SEC31A: variants seen among roughly 807,000 people sequenced by gnomAD.
The protein encoded by SEC31A is protein transport protein Sec31A.
SEC31A carries 70 observed loss-of-function variants against 151.0 expected under a neutral mutation model. That is an observed-to-expected ratio of 0.46 (90% CI 0.38 to 0.57). SEC31A has a LOEUF of 0.57. SEC31A is among the 20% of genes least tolerant of loss of function. The pLI, the probability that SEC31A is intolerant of heterozygous loss-of-function variation, is 0.00. For missense variants in SEC31A, 1,330 were observed against 1,471.2 expected (o/e 0.90, Z 1.57); for synonymous variants, 475 against 505.9 (o/e 0.94, Z 0.82).
chr4:82,897,756 G>A (rs1304432891), intron 3 of SEC31A: 3 of 151,940 alleles, frequency 2.0e-5, no homozygotes, highest in African/African-American at 7.3e-5. Context: ...AAAATAAAAT[G>A]AAATGAAATT....
intron 4 of SEC31A, among the ~76,000 whole-genome samples, chr4:82,877,088 G>C (rs1738136532): frequency 6.6e-6 from 1 of 152,044 alleles, no homozygotes; most frequent in Non-Finnish European, 1.5e-5. Context: ...AATTAGCCAG[G>C]TGTTGTGGCT....
chr4:82,880,712 C>T (rs1460534548), intron 3 of SEC31A, 87 bp downstream of exon 3: 10 of 1,149,598 alleles, frequency 8.7e-6, no homozygotes, highest in Non-Finnish European at 1.2e-5. Flanking sequence ...CTTGTAGTTT[C>T]TAATAATGGC....
At chr4:82,834,720 T>G (rs915811395) in intron 22 of SEC31A, among the ~76,000 whole-genome samples, 1 of 152,130 alleles carries the variant, frequency 6.6e-6, no homozygotes, top group South Asian at 2.1e-4. Flanking sequence ...ACCCCAACAG[T>G]CCTTTTATTA....
At position 82,867,187 on chromosome 4, in the gene SEC31A, T is replaced by C; in HGVS notation, c.1012A>G (p.Thr338Ala). The C allele has an allele frequency of 6.2e-7, 1 of 1,614,070 alleles. No homozygotes were observed. The highest frequency in any genetic ancestry group is 8.5e-7 in the Non-Finnish European group (1 of 1,179,920). Residue 338 changes from threonine to alanine, a missense_variant, in exon 9 of 27, where the codon ACA becomes GCA. Transcript: ENST00000395310. ...ACTTGTTTCTGTCTTAAACCATCTG[T>C]GCTACCTCCCATGATAGAATAAACA... ...ISVYSIMGGS[T>A]DGLRQKQVDK...
Position 82,853,719 on chromosome 4 carries a change from T to C in SEC31A, c.2009-4A>G. 1 of 1,598,702 alleles carries C rather than the reference T, an allele frequency of 6.3e-7. No individual in the cohort carries two copies. The highest frequency in any genetic ancestry group is 2.3e-5 in the East Asian group (1 of 44,342). ...TCAAGCCTGGTTCCCAAAAGATCTGTAAGTAAGAGGAAAATAAAATAAGAT... is the reference window on the plus strand; with the variant it reads ...TCAAGCCTGGTTCCCAAAAGATCTGCAAGTAAGAGGAAAATAAAATAAGAT... On this transcript the variant is annotated splice_region_variant and splice_polypyrimidine_tract_variant and intron_variant, in intron 17 of 26. Coordinates refer to ENST00000395310, the MANE Select transcript of SEC31A (RefSeq NM_001077207.4).
At position 82,824,456 on chromosome 4, in the gene SEC31A, C is replaced by T. The variant is rs891202386; in HGVS notation, c.3411+99G>A. 4.8e-5 allele frequency: 61 copies of T among 1,283,784 alleles called. No individual in the cohort carries two copies. In the African/African-American group the frequency reaches 6.9e-4, roughly 15 times the overall value. 79.5% of individuals were successfully genotyped at this position (1,283,784 alleles called of 1,614,324 possible). A position where few individuals can be genotyped will look rare whatever the true frequency, so the allele number is the denominator to read the frequency against. Reference sequence around the variant, plus strand: ...CTGGCTTCAAATGATCCACCTACCTCGGCCTCCCAAAGTGCTGGGATTACA... The same window carrying T: ...CTGGCTTCAAATGATCCACCTACCTTGGCCTCCCAAAGTGCTGGGATTACA... On this transcript the variant is annotated intron_variant, in intron 25 of 26. Transcript: ENST00000395310.
At chr4:82,875,705 A>G (rs761160891) in intron 5 of SEC31A, 22 bp downstream of exon 5, 2 of 1,454,302 alleles carry the variant, frequency 1.4e-6, no homozygotes, top group South Asian at 1.2e-5. Flanking sequence ...GATTACAATG[A>G]TCAAAATCAA....
chr4:82,864,040 T>G (rs1396482253), intron 11 of SEC31A, among the ~76,000 whole-genome samples: 1 of 152,186 alleles, frequency 6.6e-6, no homozygotes, highest in Non-Finnish European at 1.5e-5. Flanking sequence ...ATGTTAAATA[T>G]TCTGTTTTCA....
chr4:82,825,745 C>T (rs929652660), intron 24 of SEC31A, among the ~76,000 whole-genome samples: 1 of 152,094 alleles, frequency 6.6e-6, no homozygotes. Context: ...AAGTAGATAT[C>T]GGCAGACCAA....
In SEC31A at chr4:82,871,252, C is replaced by A. The variant is rs1257185959; in HGVS notation, c.782+692G>T. The stretch of plus-strand genomic sequence containing the variant: ...ATTCATGATTAACGAAAAAAGTTAT[C>A]TAACTATATGCACAAATTATCCTAT... On this transcript the variant is annotated intron_variant, in intron 7 of 26. Coordinates refer to ENST00000395310, the MANE Select transcript of SEC31A (RefSeq NM_001077207.4). The A allele has an allele frequency of 3.1e-6, 4 of 1,305,882 alleles. No homozygotes were observed. The African/African-American group carries it at 6.1e-5, about 20-fold the overall frequency. 80.9% of individuals were successfully genotyped at this position (1,305,882 alleles called of 1,614,324 possible). A position where few individuals can be genotyped will look rare whatever the true frequency, so the allele number is the denominator to read the frequency against.
chr4:82,832,239 TC>T (rs779679453), intron 22 of SEC31A, among the ~76,000 whole-genome samples: 1 of 152,112 alleles, frequency 6.6e-6, no homozygotes, highest in Non-Finnish European at 1.5e-5. Context: ...AACGGAGGCC[TC>T]AGAAATACCA....
At position 82,842,441 on chromosome 4, in the gene SEC31A, C is replaced by A; in HGVS notation, c.2667G>T (p.Gly889=). Residue 889 remains glycine (G), a synonymous_variant, in exon 22 of 27, where the codon GGG becomes GGT. Transcript: ENST00000395310. ...GCTGCTGAGGTCGATACATTGCTGA[C>A]CCCCCTGTTCCGAAGGGATACGGCT... ...PAQPYPFGTG[G]SAMYRPQQPV... The A allele has an allele frequency of 6.2e-7, 1 of 1,613,298 alleles. No homozygotes were observed. Among genetic ancestry groups the A allele is most frequent in the Non-Finnish European group, 8.5e-7 (1 of 1,179,664 alleles).
At chr4:82,859,789 A>AT (rs1491361021) in intron 14 of SEC31A, among the ~76,000 whole-genome samples, 55 of 55,916 alleles carry the variant, frequency 9.8e-4, no homozygotes, top group Middle Eastern at 8.9e-3. Context: ...TTGCATAAAA[A>AT]TATTTTTTTT....
chr4:82,848,943 C>G lies in SEC31A; in HGVS notation c.2363G>C (p.Arg788Thr). Residue 788 changes from arginine (R) to threonine (T), a missense_variant, in exon 20 of 27, where the codon AGA (arginine) becomes ACA (threonine). Transcript: ENST00000395310. ...TCCTGCTACAGGCTCTCCTTGTGCTCTACAAAGTCTGTCACGAAGCTGCAT... is the reference window on the plus strand; with the variant it reads ...TCCTGCTACAGGCTCTCCTTGTGCTGTACAAAGTCTGTCACGAAGCTGCAT... The part of the protein sequence containing the change: ...NIMQLRDRLC[R>T]AQGEPVAGHE... The G allele has an allele frequency of 6.2e-7, 1 of 1,613,570 alleles. No individual in the cohort carries two copies. Among genetic ancestry groups the G allele is most frequent in the African/African-American group, 1.3e-5 (1 of 74,988 alleles).
chr4:82,868,919 T>C (rs77091401), intron 8 of SEC31A, among the ~76,000 whole-genome samples: 2,497 of 152,178 alleles, frequency 0.016, 32 homozygotes, highest in East Asian at 0.044. Flanking sequence ...CCCAAAGTGC[T>C]GAGATTACAG....
At chr4:82,837,203 TCAC>T (rs1356712885) in intron 22 of SEC31A, among the ~76,000 whole-genome samples, 7 of 70,370 alleles carry the variant, frequency 9.9e-5, no homozygotes, top group African/African-American at 2.5e-4. Context: ...ATATATAATT[TCAC>T]CACAATAAAA....
chr4:82,885,986 G>A (rs1284557088), intron 1 of SEC31A, among the ~76,000 whole-genome samples: 1 of 152,090 alleles, frequency 6.6e-6, no homozygotes, highest in Non-Finnish European at 1.5e-5. Flanking sequence ...ATTTTATAGA[G>A]GAAAAAATTA....
intron 3 of SEC31A, among the ~76,000 whole-genome samples, chr4:82,896,943 C>T (rs1720087679): frequency 6.6e-6 from 1 of 152,118 alleles, no homozygotes; most frequent in Non-Finnish European, 1.5e-5. Flanking sequence ...GCTGCTTCCA[C>T]CCCCACCTCC....
rs191400008 is a variant in SEC31A at position 82,869,426 on chromosome 4, G to A, written c.882+899C>T. On this transcript the variant is annotated intron_variant, in intron 8 of 26. Coordinates refer to ENST00000395310, the MANE Select transcript of SEC31A (RefSeq NM_001077207.4). ...ATTACAGGCCTGAGCCACTGCACCCGGCCAACAAAATCCAATTTTTTAGTT... is the reference window on the plus strand; with the variant it reads ...ATTACAGGCCTGAGCCACTGCACCCAGCCAACAAAATCCAATTTTTTAGTT... 1.6e-4 allele frequency among the ~76,000 whole-genome samples: 24 copies of A among 151,854 alleles called. No homozygotes were observed. In the East Asian group the frequency reaches 3.5e-3, roughly 22 times the overall value.
Sources: gnomAD v4.1 joint callset for allele counts (sites outside exome capture counted in the v4.1 genomes callset) on GRCh38, gnomAD v4.1.1 for gene constraint, MANE v1.5 for transcripts, NCBI Gene and HGNC (gene_info 2026-07-23, HGNC 2026-07-21) for gene names.